The following NDRG3 variants were observed in gnomAD, a reference collection of about 807,000 sequenced individuals.
The protein encoded by NDRG3 is NDRG family member 3, also known as protein NDRG3.
Under a neutral mutation model 57.2 loss-of-function variants are expected in NDRG3, and 23 were observed. The observed-to-expected ratio is 0.40, with a 90% CI of 0.29 to 0.57. NDRG3 has a LOEUF of 0.57. Ranked by LOEUF, NDRG3 falls within the 20% of genes least tolerant of loss-of-function variation. NDRG3 has a pLI of 0.42. For synonymous variants in NDRG3, 132 were observed against 162.6 expected (o/e 0.81, Z 1.43); for missense variants, 384 against 457.3 (o/e 0.84, Z 1.46).
rs367788076 is a variant in NDRG3, at chr20:36,697,254, T to C, written c.94-8470A>G. Among the ~76,000 whole-genome samples the C allele has an allele frequency of 2.3e-4, 35 of 152,316 alleles. No individual in the cohort carries two copies. In the East Asian group the frequency reaches 3.3e-3, roughly 14 times the overall value. The stretch of plus-strand genomic sequence containing the variant: ...GCTTAGGGGTTTGCAAGTTTAAAGA[T>C]AGGGCAGTCCTGATCATAAACCTGG... On this transcript the variant is annotated intron_variant, in intron 3 of 15. Coordinates refer to ENST00000349004, the MANE Select transcript of NDRG3 (RefSeq NM_032013.4).
intron 3 of NDRG3, chr20:36,700,781 CTT>C: frequency 1.1e-5 from 2 of 184,506 alleles, no homozygotes; most frequent in Non-Finnish European, 2.3e-5. Flanking sequence ...TTTCTTTCTT[CTT>C]TTTTTTTGAG....
chr20:36,695,512 T>C (rs1342624434), intron 3 of NDRG3, among the ~76,000 whole-genome samples: 5 of 152,170 alleles, frequency 3.3e-5, no homozygotes, highest in Admixed American at 6.5e-5. Flanking sequence ...AAAGAACGCA[T>C]TCCTGGGGGG....
intron 2 of NDRG3, among the ~76,000 whole-genome samples, chr20:36,713,410 G>A (rs1245775429): frequency 6.6e-6 from 1 of 152,052 alleles, no homozygotes; most frequent in Non-Finnish European, 1.5e-5. Context: ...ACTAGGAACG[G>A]GTCAATGATT....
intron 8 of NDRG3, among the ~76,000 whole-genome samples, chr20:36,675,554 T>C (rs1448286929): frequency 6.6e-6 from 1 of 151,598 alleles, no homozygotes; most frequent in African/African-American, 2.4e-5. Context: ...GCCTGGCACA[T>C]TTTGTATTTT....
In NDRG3 at chr20:36,739,339, C is replaced by T. The variant is rs573667006; in HGVS notation, c.-49+6706G>A. Among the ~76,000 whole-genome samples the T allele has an allele frequency of 2.7e-5, 4 of 150,882 alleles. No individual in the cohort carries two copies. The East Asian group carries it at 7.8e-4, about 30-fold the overall frequency. Reference sequence around the variant, plus strand: ...GCATGGGCCTGTAATCCTAGCTACTCGGGAGCCTGAGGCAGGAAAATCCCA... The same window carrying T: ...GCATGGGCCTGTAATCCTAGCTACTTGGGAGCCTGAGGCAGGAAAATCCCA... On this transcript the variant is annotated intron_variant, in intron 1 of 15. Transcript: ENST00000349004.
chr20:36,660,107 C>T (rs555410740), intron 13 of NDRG3, among the ~76,000 whole-genome samples: 116 of 151,932 alleles, frequency 7.6e-4, no homozygotes, highest in Non-Finnish European at 1.3e-3. Flanking sequence ...ACTCAGGAGG[C>T]TGACGCAGGA....
chr20:36,716,246 C>A (rs2148188467), intron 2 of NDRG3, among the ~76,000 whole-genome samples: 1 of 152,086 alleles, frequency 6.6e-6, no homozygotes, highest in Non-Finnish European at 1.5e-5. Flanking sequence ...ATTTACCTCA[C>A]TTTCAGGTGG....
intron 7 of NDRG3, among the ~76,000 whole-genome samples, chr20:36,681,250 C>CAAAGTTTTTTT (rs1981263959): frequency 6.6e-6 from 1 of 152,078 alleles, no homozygotes; most frequent in African/African-American, 2.4e-5. Flanking sequence ...TCAACAGAGG[C>CAAAGTTTTTTT]TTCTGAAGTT....
At chr20:36,660,309 T>C (rs1342107181) in intron 13 of NDRG3, 28 bp downstream of exon 13, 2 of 1,564,992 alleles carry the variant, frequency 1.3e-6, no homozygotes, top group Middle Eastern at 1.7e-4. Context: ...CATATAAGGG[T>C]TGGAAGTGAG....
At chr20:36,660,811 C>T (rs538187006) in intron 12 of NDRG3, among the ~76,000 whole-genome samples, 4 of 152,166 alleles carry the variant, frequency 2.6e-5, no homozygotes, top group Admixed American at 1.3e-4. Context: ...CCGCCCACCT[C>T]GGCCTCCCAA....
intron 3 of NDRG3, among the ~76,000 whole-genome samples, chr20:36,693,695 T>C (rs1227563130): frequency 6.6e-6 from 1 of 151,714 alleles, no homozygotes; most frequent in Non-Finnish European, 1.5e-5. Context: ...GAACTAAGCA[T>C]GCAAGGGATC....
At chr20:36,682,626 G>C (rs764680361) in intron 6 of NDRG3, 48 bp from the exon 7 acceptor site, 2 of 1,495,068 alleles carry the variant, frequency 1.3e-6, no homozygotes, top group Non-Finnish European at 1.9e-6. Flanking sequence ...TTCATTTGCA[G>C]GCAGCATTGC....
rs1272307423 is a variant in NDRG3, at chr20:36,652,779, A to G, written c.*741T>C. On this transcript the variant is annotated 3_prime_UTR_variant, in exon 16 of 16. Coordinates refer to ENST00000349004, the MANE Select transcript of NDRG3 (RefSeq NM_032013.4). ...TAAACCACATTCACTCCTTGGAAAAAACTCTATGTTGTATCAGAACCTCAG... is the reference window on the plus strand; with the variant it reads ...TAAACCACATTCACTCCTTGGAAAAGACTCTATGTTGTATCAGAACCTCAG... 1 of 152,164 alleles carries G rather than the reference A, an allele frequency of 6.6e-6. No individual in the cohort carries two copies. The highest frequency in any genetic ancestry group is 1.5e-5 in the Non-Finnish European group (1 of 68,034). The allele number at this position is 152,164 out of a possible 1,614,324, so 9.4% of individuals were successfully genotyped here.
chr20:36,682,482 C>T (rs1160348909), intron 7 of NDRG3, 36 bp downstream of exon 7: 2 of 1,579,860 alleles, frequency 1.3e-6, no homozygotes, highest in Non-Finnish European at 1.7e-6. Flanking sequence ...CAGGCACTGC[C>T]TCAAGGATGT....
At position 36,710,427 on chromosome 20, in the gene NDRG3, G is replaced by A. The variant is rs192461190; in HGVS notation, c.58-3420C>T. 4.6e-5 allele frequency among the ~76,000 whole-genome samples: 7 copies of A among 152,226 alleles called. No homozygotes were observed. The East Asian group carries it at 9.6e-4, about 21-fold the overall frequency. On this transcript the variant is annotated intron_variant, in intron 2 of 15. Transcript: ENST00000349004. Reference sequence around the variant, plus strand: ...ATTTTCTTCATATTATGTACAATGAGCATGTATTTCCCTTTCTGAAATTAG... The same window carrying A: ...ATTTTCTTCATATTATGTACAATGAACATGTATTTCCCTTTCTGAAATTAG...
rs1978427814 is a variant in NDRG3 at position 36,653,890 on chromosome 20, C to T, written c.947-189G>A. 6.6e-6 allele frequency among the ~76,000 whole-genome samples: 1 copy of T among 152,150 alleles called. No homozygotes were observed. The highest frequency in any genetic ancestry group is 2.4e-5 in the African/African-American group (1 of 41,416). ...TGGCGATATGTGAGGCCACTTTAAT[C>T]CTTTAGATCTGGTTGGAATCTCAGC... On this transcript the variant is annotated intron_variant, in intron 15 of 15. Coordinates refer to ENST00000349004, the MANE Select transcript of NDRG3 (RefSeq NM_032013.4). This position sits in a 1 kb window ranked among gnomAD's most constrained non-coding sequence, Gnocchi z 4.2.
intron 1 of NDRG3, among the ~76,000 whole-genome samples, chr20:36,742,459 A>G (rs1179122841): frequency 6.6e-6 from 1 of 152,160 alleles, no homozygotes; most frequent in Non-Finnish European, 1.5e-5. Context: ...TTTCTTTCTT[A>G]ATAGTGCTTG....
rs36022065 is a variant in NDRG3, at chr20:36,723,659, AGTGTGT to A, written c.-48-1882_-48-1877del. On this transcript the variant is annotated intron_variant, in intron 1 of 15. Coordinates refer to ENST00000349004, the MANE Select transcript of NDRG3 (RefSeq NM_032013.4). ...GAAAGCCTTCAAAAGATATTAGTCT[AGTGTGT>A]GTGTGTGTGTGTGTGTGTGTGTGTG... is the stretch of plus-strand genomic sequence containing the variant. Among the ~76,000 whole-genome samples the A allele has an allele frequency of 7.9e-4, 105 of 132,936 alleles. 2 individuals carry two copies. Among genetic ancestry groups the A allele is most frequent in the South Asian group, 4.3e-3 (17 of 3,942 alleles). 87.2% of individuals were successfully genotyped at this position (132,936 alleles called of 152,430 possible).
chr20:36,700,511 A>C (rs759598630), intron 3 of NDRG3: 1 of 531,516 alleles, frequency 1.9e-6, no homozygotes, highest in South Asian at 1.4e-5. Context: ...CTGAAGATGA[A>C]TGTGCAGAGA....
Sources: allele counts gnomAD v4.1 joint callset (sites outside exome capture counted in the v4.1 genomes callset), GRCh38; gene constraint gnomAD v4.1.1; non-coding constraint Gnocchi (gnomAD v3.1); transcripts MANE v1.5; gene names NCBI Gene and HGNC (gene_info 2026-07-23, HGNC 2026-07-21).